Variants in ZNF729 observed in about 807,000 individuals in gnomAD.
The protein encoded by ZNF729 is zinc finger protein 729.
Under a neutral mutation model 12.2 loss-of-function variants are expected in ZNF729, and 15 were observed. The ratio of observed to expected loss-of-function variants is 1.23; its 90% CI spans 0.82 to 1.89. The LOEUF is 1.89. Ranked by LOEUF, ZNF729 falls within the 40% of genes most tolerant of loss-of-function variation. ZNF729 has a pLI of 0.00. For synonymous variants in ZNF729, 492 were observed against 476.3 expected (o/e 1.03, Z -0.43); for missense variants, 1,540 against 1,456.7 (o/e 1.06, Z -0.93).
intron 3 of ZNF729, among the ~76,000 whole-genome samples, chr19:22,312,176 T>G (rs565036927): frequency 3.3e-5 from 5 of 152,292 alleles, no homozygotes; most frequent in African/African-American, 1.2e-4. Context: ...GTTATTTAAT[T>G]TATTTGAAAT....
In ZNF729 at chr19:22,286,613, G is replaced by A; in HGVS notation, c.30+58G>A. On this transcript the variant is annotated intron_variant, in intron 1 of 3. Transcript: ENST00000601693. ...GGAAGGGGCTGATTGGAACCGGTGG[G>A]AAGTGGCTGTGGCGGGACTCCGGCC... The A allele has an allele frequency of 4.3e-6, 7 of 1,610,250 alleles. No homozygotes were observed. The South Asian group carries it at 6.6e-5, about 15-fold the overall frequency.
rs1303572728 is a variant in ZNF729, at chr19:22,315,121, A to C, written c.1704A>C (p.Gly568=). Residue 568 remains glycine (G), a synonymous_variant, in exon 4 of 4, where the codon GGA becomes GGC. Transcript: ENST00000601693. The part of the protein sequence containing the change: ...KLTVHKVIHT[G]EKPCKCEECG... ...CTGTACATAAGGTAATTCATACTGG[A>C]GAGAAACCCTGCAAATGTGAAGAAT... 8.1e-6 allele frequency: 13 copies of C among 1,610,864 alleles called. No individual in the cohort carries two copies. The highest frequency in any genetic ancestry group is 1.1e-5 in the Non-Finnish European group (13 of 1,179,568).
chr19:22,297,175 G>A (rs1006879441), intron 1 of ZNF729, among the ~76,000 whole-genome samples: 1 of 152,108 alleles, frequency 6.6e-6, no homozygotes, highest in South Asian at 2.1e-4. Flanking sequence ...GTATCTGTGA[G>A]GTCTTTTAGC....
rs541702971 is a variant in ZNF729 at position 22,297,820 on chromosome 19, A to G, written c.31-5938A>G. 2.6e-5 allele frequency among the ~76,000 whole-genome samples: 4 copies of G among 152,084 alleles called. No individual in the cohort carries two copies. The East Asian group carries it at 5.8e-4, about 22-fold the overall frequency. ...GGAATTTGAGACCAGTCTGACCAAC[A>G]TGGAGAAACTCCGTCTCTACTAAAA... is the stretch of plus-strand genomic sequence containing the variant. On this transcript the variant is annotated intron_variant, in intron 1 of 3. Coordinates refer to ENST00000601693, the MANE Select transcript of ZNF729 (RefSeq NM_001242680.2).
Position 22,314,452 on chromosome 19 carries a change from G to A in ZNF729, c.1035G>A (p.Lys345=), listed in dbSNP as rs529408828. 1 of 1,604,560 alleles carries A rather than the reference G, an allele frequency of 6.2e-7. No homozygotes were observed. ...LRKHKIIHTG[K]KPYKREECGK... ...AACATAAGATAATTCATACTGGAAA[G>A]AAACCCTACAAGCGTGAAGAATGTG... Residue 345 remains lysine, a synonymous_variant, in exon 4 of 4, where the codon AAG becomes AAA. Transcript: ENST00000601693.
rs1968494799 is a variant in ZNF729 at position 22,314,445 on chromosome 19, C to A, written c.1028C>A (p.Thr343Asn). 6.2e-7 allele frequency: 1 copy of A among 1,601,286 alleles called. No homozygotes were observed. The highest frequency in any genetic ancestry group is 1.1e-5 in the South Asian group (1 of 89,526). Residue 343 changes from threonine to asparagine, a missense_variant, in exon 4 of 4, where the codon ACT becomes AAT. Transcript: ENST00000601693. Reference sequence around the variant, plus strand: ...CTTAGAAAACATAAGATAATTCATACTGGAAAGAAACCCTACAAGCGTGAA... The same window carrying A: ...CTTAGAAAACATAAGATAATTCATAATGGAAAGAAACCCTACAAGCGTGAA... ...SALRKHKIIH[T>N]GKKPYKREEC... is the part of the protein sequence containing the mutation.
chr19:22,302,300 A>C (rs1359430052), intron 1 of ZNF729, among the ~76,000 whole-genome samples: 1 of 152,312 alleles, frequency 6.6e-6, no homozygotes, highest in Non-Finnish European at 1.5e-5. Context: ...ACCACCCAGG[A>C]ACTTATAGTC....
intron 3 of ZNF729, among the ~76,000 whole-genome samples, chr19:22,308,433 T>C (rs1968411247): frequency 6.6e-6 from 1 of 152,180 alleles, no homozygotes; most frequent in African/African-American, 2.4e-5. Flanking sequence ...TTTAGTTCTT[T>C]AGGAATCTCC....
rs761931888 is a variant in ZNF729, at chr19:22,314,945, C to T, written c.1528C>T (p.His510Tyr). The T allele has an allele frequency of 3.1e-6, 5 of 1,612,374 alleles. No homozygotes were observed. The highest frequency in any genetic ancestry group is 1.3e-5 in the African/African-American group (1 of 74,814). The part of the protein sequence containing the change: ...FSDLRRHKII[H>Y]TGKKPYKCEE... ...AGACCTTAGAAGACATAAGATAATT[C>T]ATACTGGAAAGAAACCCTACAAATG... The change falls in exon 4 of 4, where the codon CAT becomes TAT. Residue 510 changes from histidine (H) to tyrosine (Y), a missense_variant. By Grantham distance (83) the His-to-Tyr change is moderately conservative. Coordinates refer to ENST00000601693, the MANE Select transcript of ZNF729 (RefSeq NM_001242680.2).
At chr19:22,308,291 G>T (rs2145053887) in intron 3 of ZNF729, among the ~76,000 whole-genome samples, 1 of 152,236 alleles carries the variant, frequency 6.6e-6, no homozygotes, top group South Asian at 2.1e-4. Context: ...CATTTGGGTT[G>T]GTTCCATGAT....
intron 1 of ZNF729, among the ~76,000 whole-genome samples, chr19:22,296,281 T>A (rs549162927): frequency 6.6e-6 from 1 of 152,306 alleles, no homozygotes; most frequent in African/African-American, 2.4e-5. Flanking sequence ...GGTAGGCTAT[T>A]TATTACTTAT....
chr19:22,310,771 C>T (rs1350381510), intron 3 of ZNF729, among the ~76,000 whole-genome samples: 1 of 152,122 alleles, frequency 6.6e-6, no homozygotes, highest in African/African-American at 2.4e-5. Context: ...AATAGCATTG[C>T]TACCAATTCT....
intron 1 of ZNF729, among the ~76,000 whole-genome samples, chr19:22,287,394 G>A (rs1968093633): frequency 6.6e-6 from 1 of 151,836 alleles, no homozygotes; most frequent in Admixed American, 6.6e-5. Context: ...AGCTTCCTGA[G>A]TAGCTGGGAT....
At position 22,304,788 on chromosome 19, in the gene ZNF729, G is replaced by A; in HGVS notation, c.253+5G>A. 1 of 1,612,308 alleles carries A rather than the reference G, an allele frequency of 6.2e-7. No individual in the cohort carries two copies. Among genetic ancestry groups the A allele is most frequent in the East Asian group, 2.2e-5 (1 of 44,806 alleles). On this transcript the variant is annotated splice_donor_5th_base_variant and intron_variant, in intron 3 of 3. Transcript: ENST00000601693. The stretch of plus-strand genomic sequence containing the variant: ...AGATGGTAACTAAACCCCCAGGTAT[G>A]TGAGAGTGAATACAACAGACAACAC...
At chr19:22,296,907 T>C (rs1288040274) in intron 1 of ZNF729, among the ~76,000 whole-genome samples, 2 of 149,688 alleles carry the variant, frequency 1.3e-5, no homozygotes, top group African/African-American at 4.9e-5. Context: ...AGTGGTTTTC[T>C]ATGTATTGAA....
intron 3 of ZNF729, among the ~76,000 whole-genome samples, chr19:22,310,410 AG>A (rs1164103617): frequency 6.6e-6 from 1 of 152,110 alleles, no homozygotes; most frequent in African/African-American, 2.4e-5. Flanking sequence ...TTAATCATAA[AG>A]GGATGTTGGA....
intron 1 of ZNF729, among the ~76,000 whole-genome samples, chr19:22,301,827 C>T (rs1239501712): frequency 6.6e-6 from 1 of 152,310 alleles, no homozygotes; most frequent in African/African-American, 2.4e-5. Context: ...AAATGTGATA[C>T]TGGAGTAGAG....
intron 1 of ZNF729, among the ~76,000 whole-genome samples, chr19:22,290,301 G>A (rs1481891833): frequency 6.6e-6 from 1 of 152,158 alleles, no homozygotes; most frequent in Non-Finnish European, 1.5e-5. Context: ...AAGATGAAAG[G>A]GGATTGGGAG....
rs547662772 is a variant in ZNF729 at position 22,316,110 on chromosome 19, A to G, written c.2693A>G (p.His898Arg). The G allele has an allele frequency of 6.2e-7, 1 of 1,609,506 alleles. No homozygotes were observed. Among genetic ancestry groups the G allele is most frequent in the Non-Finnish European group, 8.5e-7 (1 of 1,178,330 alleles). Residue 898 changes from histidine (H) to arginine (R), a missense_variant, in exon 4 of 4, where the codon CAT becomes CGT. His to Arg is a conservative substitution (Grantham distance 29). Coordinates refer to ENST00000601693, the MANE Select transcript of ZNF729 (RefSeq NM_001242680.2). ...AAGTGGTTGTCAAAACTTACTGTAC[A>G]TAAGGTAATTCATACTGCAGAGAAA... ...AFKWLSKLTV[H>R]KVIHTAEKPC...
Sources: allele counts gnomAD v4.1 joint callset (sites outside exome capture counted in the v4.1 genomes callset), GRCh38; gene constraint gnomAD v4.1.1; transcripts MANE v1.5; gene names NCBI Gene and HGNC (gene_info 2026-07-23, HGNC 2026-07-21).